Variants in RERE observed in about 807,000 individuals in gnomAD.
RERE encodes arginine-glutamic acid dipeptide repeats, also known as arginine-glutamic acid dipeptide repeats protein.
RERE carries 40 observed loss-of-function variants against 146.1 expected under a neutral mutation model. That is an observed-to-expected ratio of 0.27 (90% confidence interval 0.21 to 0.36). The LOEUF (loss-of-function observed/expected upper bound fraction) is 0.36, where lower values mean the gene tolerates loss of function less well. Ranked by LOEUF, RERE falls within the 10% of genes least tolerant of loss-of-function variation. The pLI, the probability that RERE is intolerant of heterozygous loss-of-function variation, is 1.00. For synonymous variants in RERE, 1,003 were observed against 866.0 expected (o/e 1.16, Z -2.78); for missense variants, 1,933 against 2,138.7 (o/e 0.90, Z 1.90).
intron 4 of RERE, among the ~76,000 whole-genome samples, chr1:8,604,765 A>C (rs1482421137): frequency 1.4e-5 from 2 of 147,852 alleles, no homozygotes; most frequent in East Asian, 1.9e-4. Flanking sequence ...CGAACTTGCC[A>C]AAAAAAAACC....
chr1:8,487,506 A>T (rs189186866), intron 10 of RERE, among the ~76,000 whole-genome samples: 5 of 152,294 alleles, frequency 3.3e-5, no homozygotes, highest in African/African-American at 4.8e-5. Flanking sequence ...TGAGTCTGGG[A>T]GGTCAAGGCT....
At chr1:8,478,475 G>T (rs1419164697) in intron 10 of RERE, among the ~76,000 whole-genome samples, 2 of 152,190 alleles carry the variant, frequency 1.3e-5, no homozygotes, top group African/African-American at 2.4e-5. Flanking sequence ...TACCAGGTGT[G>T]GGGAGAAGGC....
chr1:8,501,218 C>A (rs1273728105), intron 8 of RERE, among the ~76,000 whole-genome samples: 4 of 147,020 alleles, frequency 2.7e-5, no homozygotes, highest in Non-Finnish European at 6.1e-5. Context: ...GGGGGGTCAG[C>A]CCCCCGCCCG....
chr1:8,482,681 CAAAAAAAAAAAAAAAA>C (rs35501735), intron 10 of RERE, among the ~76,000 whole-genome samples: 1 of 51,212 alleles, frequency 2.0e-5, no homozygotes, highest in East Asian at 6.8e-4. Context: ...GATTCTGTTG[CAAAAAAAAAAAAAAAA>C]AAAAAAAAAA....
At chr1:8,578,713 A>T (rs1178475413) in intron 4 of RERE, among the ~76,000 whole-genome samples, 3 of 152,172 alleles carry the variant, frequency 2.0e-5, no homozygotes, top group African/African-American at 7.2e-5. Flanking sequence ...CTTTCCAAGA[A>T]CATCTCACTT....
intron 7 of RERE, among the ~76,000 whole-genome samples, chr1:8,535,318 T>C (rs1645710660): frequency 6.6e-6 from 1 of 152,160 alleles, no homozygotes; most frequent in Non-Finnish European, 1.5e-5. Context: ...CCTTCTGTTG[T>C]AGGTTTTTAT....
chr1:8,671,313 C>T (rs1384774560), intron 1 of RERE, among the ~76,000 whole-genome samples: 1 of 152,316 alleles, frequency 6.6e-6, no homozygotes, highest in Non-Finnish European at 1.5e-5. Flanking sequence ...GACTACATGA[C>T]GATGCTCTGA....
At position 8,656,213 on chromosome 1, in the gene RERE, C is replaced by T. The variant is rs1638289504; in HGVS notation, c.85G>A (p.Ala29Thr). Residue 29 changes from alanine to threonine, a missense_variant, in exon 2 of 23, where the codon GCA becomes ACA. Physicochemically the swap from Ala to Thr is moderately conservative, Grantham distance 58. This residue lies in a region of RERE where 107 missense variants were observed against 119.7 expected (regional missense o/e 0.89). Transcript: ENST00000400908. ...RDREREKRDK[A>T]RESENSRPRR... The stretch of plus-strand genomic sequence containing the variant: ...GGCCTTGAATTCTCACTCTCTCTTG[C>T]TTTGTCTCTTTTCTCTCTCTCTCGG... The T allele has an allele frequency of 1.2e-6, 2 of 1,613,584 alleles. No individual in the cohort carries two copies. The highest frequency in any genetic ancestry group is 1.3e-5 in the African/African-American group (1 of 74,918).
At chr1:8,654,765 C>CT (rs1003741717) in intron 2 of RERE, among the ~76,000 whole-genome samples, 25 of 152,012 alleles carry the variant, frequency 1.6e-4, no homozygotes, top group African/African-American at 5.1e-4. Flanking sequence ...TCCTGAATAG[C>CT]TGGGACTACA....
chr1:8,527,682 G>C (rs1487447163), intron 7 of RERE, among the ~76,000 whole-genome samples: 2 of 152,098 alleles, frequency 1.3e-5, no homozygotes, highest in Non-Finnish European at 2.9e-5. Flanking sequence ...GATTCCAATG[G>C]TGGCGCCAGC....
At chr1:8,462,166 G>A (rs182353912) in intron 11 of RERE, among the ~76,000 whole-genome samples, 15 of 152,270 alleles carry the variant, frequency 9.9e-5, no homozygotes, top group East Asian at 9.6e-4. Context: ...GTTTTAAAAT[G>A]CTGGATTGAA....
chr1:8,378,168 C>G (rs1171396431), intron 12 of RERE, among the ~76,000 whole-genome samples: 1 of 152,200 alleles, frequency 6.6e-6, no homozygotes, highest in Non-Finnish European at 1.5e-5. Context: ...CTTCAAAGCA[C>G]AAAAACACAA....
At chr1:8,614,104 G>C (rs1045099541) in intron 4 of RERE, among the ~76,000 whole-genome samples, 1 of 152,130 alleles carries the variant, frequency 6.6e-6, no homozygotes, top group African/African-American at 2.4e-5. Context: ...TAGCACTGGA[G>C]AAAAGCCTCG....
chr1:8,778,170 T>C (rs1324095091), intron 1 of RERE, among the ~76,000 whole-genome samples: 1 of 152,226 alleles, frequency 6.6e-6, no homozygotes, highest in African/African-American at 2.4e-5. Flanking sequence ...TATTAGACAG[T>C]GAGTTAAAGT....
At chr1:8,523,389 A>G (rs1269785174) in intron 7 of RERE, among the ~76,000 whole-genome samples, 2 of 152,222 alleles carry the variant, frequency 1.3e-5, no homozygotes, top group Non-Finnish European at 2.9e-5. Flanking sequence ...GAACTTCTCT[A>G]TTTTTTGAAA....
intron 12 of RERE, among the ~76,000 whole-genome samples, chr1:8,401,943 G>A (rs559034884): frequency 6.6e-6 from 1 of 152,112 alleles, no homozygotes; most frequent in African/African-American, 2.4e-5. Flanking sequence ...TCGGCTCACT[G>A]CAACCTCCAC....
At chr1:8,668,024 C>A (rs926898982) in intron 1 of RERE, among the ~76,000 whole-genome samples, 1 of 152,218 alleles carries the variant, frequency 6.6e-6, no homozygotes, top group African/African-American at 2.4e-5. Flanking sequence ...CCAGATACTG[C>A]CACATATCCC....
intron 1 of RERE, among the ~76,000 whole-genome samples, chr1:8,816,572 A>T (rs550887180): frequency 1.3e-5 from 2 of 152,280 alleles, no homozygotes; most frequent in East Asian, 3.9e-4. Flanking sequence ...TAAAACTACG[A>T]ATCTTTCCAT....
chr1:8,677,221 G>A (rs1421388501), intron 1 of RERE, among the ~76,000 whole-genome samples: 1 of 152,088 alleles, frequency 6.6e-6, no homozygotes, highest in Non-Finnish European at 1.5e-5. Flanking sequence ...CCTGAGATCA[G>A]GAGTTCGAGA....
Sources: gnomAD v4.1 joint callset for allele counts (sites outside exome capture counted in the v4.1 genomes callset) on GRCh38, gnomAD v4.1.1 for gene constraint, gnomAD v4.1.1 regional missense constraint, MANE v1.5 for transcripts, NCBI Gene and HGNC (gene_info 2026-07-23, HGNC 2026-07-21) for gene names.